Variants in NKAIN3 observed in about 807,000 individuals in gnomAD.
NKAIN3 encodes sodium/potassium-transporting ATPase subunit beta-1-interacting protein 3.
Under a neutral mutation model 30.2 loss-of-function variants are expected in NKAIN3, and 25 were observed. The observed-to-expected ratio is 0.83, with a 90% CI of 0.60 to 1.16. NKAIN3 has a LOEUF of 1.16. Among genes scored for constraint, NKAIN3 ranks in the 50% most tolerant of loss-of-function variants. The probability of loss-of-function intolerance (pLI) is 0.00; values close to 1 mark genes in which losing one functional copy is unlikely to be tolerated. For missense variants in NKAIN3, 225 were observed against 254.1 expected (o/e 0.89, Z 0.78); for synonymous variants, 91 against 89.6 (o/e 1.02, Z -0.09).
intron 5 of NKAIN3, among the ~76,000 whole-genome samples, chr8:62,935,975 T>C (rs1354526962): frequency 3.3e-5 from 5 of 152,202 alleles, no homozygotes; most frequent in Admixed American, 6.5e-5. Context: ...TGCAAAATTC[T>C]ATATGGCTAT....
At chr8:62,952,244 CA>C (rs1376123278) in intron 5 of NKAIN3, among the ~76,000 whole-genome samples, 2 of 151,332 alleles carry the variant, frequency 1.3e-5, no homozygotes, top group Non-Finnish European at 2.9e-5. Flanking sequence ...TTGTGAAGTA[CA>C]ACATATGGGT....
chr8:62,584,290 T>C (rs925772442), intron 2 of NKAIN3, among the ~76,000 whole-genome samples: 1 of 152,182 alleles, frequency 6.6e-6, no homozygotes, highest in Non-Finnish European at 1.5e-5. Flanking sequence ...ACCAGGTATG[T>C]GCTAAGTGCT....
chr8:62,803,251 G>T (rs146212788), intron 4 of NKAIN3, among the ~76,000 whole-genome samples: 28,319 of 151,962 alleles, frequency 0.19, 2,941 homozygotes, highest in East Asian at 0.29. Context: ...ACCCAGCTCT[G>T]CACCAAGGGG....
intron 4 of NKAIN3, among the ~76,000 whole-genome samples, chr8:62,843,331 A>AT (rs1490243417): frequency 3.3e-5 from 5 of 150,978 alleles, no homozygotes; most frequent in African/African-American, 7.3e-5. Flanking sequence ...TAATTAATTA[A>AT]TTTTTTATTT....
At chr8:62,891,910 A>G (rs1821307791) in intron 4 of NKAIN3, among the ~76,000 whole-genome samples, 1 of 152,088 alleles carries the variant, frequency 6.6e-6, no homozygotes, top group African/African-American at 2.4e-5. Context: ...GAATGATGAG[A>G]CTAAAGTAGG....
At position 62,445,580 on chromosome 8, in the gene NKAIN3, GGT is replaced by G. The variant is rs1805464153; in HGVS notation, c.55-133957_55-133956del. On this transcript the variant is annotated intron_variant, in intron 1 of 6. Transcript: ENST00000623646. ...TTATACAGTTATACAGAAGTGAGAA[GGT>G]GAAATACAAGTTGGGGAGGCACCAA... Among the ~76,000 whole-genome samples the G allele has an allele frequency of 2.6e-5, 4 of 152,174 alleles. No homozygotes were observed. The South Asian group carries it at 8.3e-4, about 32-fold the overall frequency.
At position 62,735,499 on chromosome 8, in the gene NKAIN3, G is replaced by A. The variant is rs1815632303; in HGVS notation, c.274-11433G>A. On this transcript the variant is annotated intron_variant, in intron 3 of 6. Coordinates refer to ENST00000623646, the MANE Select transcript of NKAIN3 (RefSeq NM_001304533.3). ...TCCTTTATTTCCAGAAGTTGTGATT[G>A]TGTTTTATTTACATTATTTATTTCT... is the stretch of plus-strand genomic sequence containing the variant. 2.0e-5 allele frequency among the ~76,000 whole-genome samples: 3 copies of A among 151,202 alleles called. No homozygotes were observed. In the South Asian group the frequency reaches 6.3e-4, roughly 32 times the overall value.
At chr8:62,952,081 T>C (rs953133717) in intron 5 of NKAIN3, among the ~76,000 whole-genome samples, 1 of 152,182 alleles carries the variant, frequency 6.6e-6, no homozygotes, top group African/African-American at 2.4e-5. Context: ...AATATAGGCA[T>C]GAACCACCAT....
At chr8:62,990,974 A>T (rs1824308270) in intron 5 of NKAIN3, 1 of 152,180 alleles carries the variant, frequency 6.6e-6, no homozygotes, top group Non-Finnish European at 1.5e-5. Flanking sequence ...GCCAGAAAAC[A>T]CCTCTCTGAA....
intron 1 of NKAIN3, among the ~76,000 whole-genome samples, chr8:62,487,744 C>CCCATTAT (rs1364007160): frequency 7.9e-5 from 12 of 152,062 alleles, no homozygotes; most frequent in Admixed American, 1.3e-4. Flanking sequence ...GTAATTCAAT[C>CCCATTAT]CCATTATCAC....
At chr8:62,345,243 A>G (rs1815893384) in intron 1 of NKAIN3, among the ~76,000 whole-genome samples, 1 of 95,038 alleles carries the variant, frequency 1.1e-5, no homozygotes, top group East Asian at 3.4e-4. Context: ...AAATATGTAC[A>G]TGTGGGTATA....
chr8:62,583,086 G>T (rs1293205829), intron 2 of NKAIN3, among the ~76,000 whole-genome samples: 4 of 152,182 alleles, frequency 2.6e-5, no homozygotes, highest in African/African-American at 9.7e-5. Flanking sequence ...TCTTGAGTAT[G>T]TTTTATAATT....
chr8:62,527,398 C>G (rs1249625985), intron 1 of NKAIN3, among the ~76,000 whole-genome samples: 2 of 152,154 alleles, frequency 1.3e-5, no homozygotes, highest in African/African-American at 4.8e-5. Flanking sequence ...GCTAACCAAA[C>G]CTTCTTCCTT....
In NKAIN3 at chr8:62,384,745, C is replaced by A. The variant is rs868204427; in HGVS notation, c.54+135618C>A. Reference sequence around the variant, plus strand: ...AAACTGACATAATATAAGCAGTGTTCACTTAAAAATTACAGTCAAATATGC... The same window carrying A: ...AAACTGACATAATATAAGCAGTGTTAACTTAAAAATTACAGTCAAATATGC... On this transcript the variant is annotated intron_variant, in intron 1 of 6. Coordinates refer to ENST00000623646, the MANE Select transcript of NKAIN3 (RefSeq NM_001304533.3). Among the ~76,000 whole-genome samples the A allele has an allele frequency of 1.8e-4, 28 of 152,038 alleles. 1 individual carries two copies. The highest frequency in any genetic ancestry group is 6.3e-3 in the Middle Eastern group (2 of 316).
chr8:62,950,405 T>C (rs996191658), intron 5 of NKAIN3, among the ~76,000 whole-genome samples: 3 of 152,196 alleles, frequency 2.0e-5, no homozygotes, highest in Non-Finnish European at 4.4e-5. Flanking sequence ...GACTCATTGC[T>C]CTATCCCATC....
Position 62,248,958 on chromosome 8 carries a change from C to T in NKAIN3, c.-116C>T. 1.1e-6 allele frequency: 1 copy of T among 941,378 alleles called. No individual in the cohort carries two copies. Among genetic ancestry groups the T allele is most frequent in the South Asian group, 1.7e-5 (1 of 57,760 alleles). 58.3% of individuals were successfully genotyped at this position (941,378 alleles called of 1,614,324 possible). ...GAGCCCTGGAGCCGCGAGCGGCGGC[C>T]GCGGGGCCGAGGAGCCTGGGCCGGG... On this transcript the variant is annotated 5_prime_UTR_variant, in exon 1 of 7. Coordinates refer to ENST00000623646, the MANE Select transcript of NKAIN3 (RefSeq NM_001304533.3).
intron 1 of NKAIN3, among the ~76,000 whole-genome samples, chr8:62,339,106 G>A (rs1479321444): frequency 6.6e-6 from 1 of 152,030 alleles, no homozygotes; most frequent in East Asian, 1.9e-4. Flanking sequence ...CCACTAGGAA[G>A]AATGTTCCAG....
chr8:62,313,613 C>T (rs1268543626), intron 1 of NKAIN3, among the ~76,000 whole-genome samples: 1 of 152,038 alleles, frequency 6.6e-6, no homozygotes, highest in South Asian at 2.1e-4. Flanking sequence ...TTGATATTCC[C>T]TATGGAAATA....
chr8:62,764,656 G>A (rs1816777138), intron 4 of NKAIN3, among the ~76,000 whole-genome samples: 2 of 152,016 alleles, frequency 1.3e-5, no homozygotes, highest in South Asian at 4.1e-4. Context: ...GTAGATACAA[G>A]GTCTCAATAT....
Sources: gnomAD v4.1 joint callset for allele counts (sites outside exome capture counted in the v4.1 genomes callset) on GRCh38, gnomAD v4.1.1 for gene constraint, MANE v1.5 for transcripts, NCBI Gene and HGNC (gene_info 2026-07-23, HGNC 2026-07-21) for gene names.